The following NRP2 variants were observed in gnomAD, a reference collection of about 807,000 sequenced individuals.
NRP2 encodes neuropilin-2.
In NRP2, 52 loss-of-function variants were observed where a neutral mutation model predicts 110.4. That is an observed-to-expected ratio of 0.47 (90% CI 0.38 to 0.59). The LOEUF (loss-of-function observed/expected upper bound fraction) is 0.59. Among genes scored for constraint, NRP2 ranks in the 20% least tolerant of loss-of-function variants. The pLI is 0.00. For missense variants in NRP2, 1,049 were observed against 1,203.0 expected, an observed-to-expected ratio of 0.87 and a Z score of 1.89; for synonymous variants, 508 against 468.9, an observed-to-expected ratio of 1.08 and a Z score of -1.08.
intron 2 of NRP2, chr2:205,701,598 G>C (rs1217859098): frequency 6.7e-6 from 1 of 149,646 alleles, no homozygotes; most frequent in Non-Finnish European, 1.5e-5. Flanking sequence ...GTCTCAGAAA[G>C]AGCAAAACCC....
chr2:205,746,942 G>A (rs952717269), intron 10 of NRP2, among the ~76,000 whole-genome samples: 3 of 152,124 alleles, frequency 2.0e-5, no homozygotes, highest in Non-Finnish European at 2.9e-5. Flanking sequence ...CAGCCCCAGC[G>A]AACACATCTT....
Position 205,770,121 on chromosome 2 carries a change from C to T in NRP2, c.2425+3318C>T, listed in dbSNP as rs745671352. 2.2e-4 allele frequency among the ~76,000 whole-genome samples: 34 copies of T among 152,196 alleles called. 1 individual carries two copies. Among genetic ancestry groups the T allele is most frequent in the Middle Eastern group, 6.8e-3 (2 of 294 alleles). On this transcript the variant is annotated intron_variant, in intron 15 of 16. Transcript: ENST00000357785. The stretch of plus-strand genomic sequence containing the variant: ...CTCACGGAAATCCCAGCTGGGTGCA[C>T]CTGTGGAAGGTGGTTGTCAGAGGGA...
intron 1 of NRP2, among the ~76,000 whole-genome samples, chr2:205,692,161 T>C (rs541766788): frequency 6.6e-6 from 1 of 152,310 alleles, no homozygotes; most frequent in South Asian, 2.1e-4. Context: ...AACTTTATCA[T>C]TTCAAAAGTT....
At chr2:205,751,929 C>T (rs2105894714) in intron 11 of NRP2, among the ~76,000 whole-genome samples, 1 of 152,320 alleles carries the variant, frequency 6.6e-6, no homozygotes, top group Non-Finnish European at 1.5e-5. Context: ...TCCCCACGTC[C>T]ACACCACCCC....
intron 8 of NRP2, among the ~76,000 whole-genome samples, chr2:205,741,531 T>C (rs186709814): frequency 7.7e-4 from 117 of 152,248 alleles, no homozygotes; most frequent in East Asian, 3.9e-3. Context: ...TGGGACATTA[T>C]AGGAGGCAAT....
At chr2:205,726,771 AC>A (rs2057137254) in intron 6 of NRP2, among the ~76,000 whole-genome samples, 1 of 152,184 alleles carries the variant, frequency 6.6e-6, no homozygotes, top group South Asian at 2.1e-4. Flanking sequence ...CTTTTATGAC[AC>A]ACGTAAGACA....
chr2:205,740,687 T>C (rs753878657), intron 8 of NRP2, 24 bp downstream of exon 8: 2 of 1,613,450 alleles, frequency 1.2e-6, no homozygotes, highest in East Asian at 2.2e-5. Flanking sequence ...TCCAATGAGG[T>C]TGGGGTGCTG....
chr2:205,724,007 G>A, intron 5 of NRP2, 67 bp downstream of exon 5: 1 of 1,573,570 alleles, frequency 6.4e-7, no homozygotes, highest in Non-Finnish European at 8.7e-7. Context: ...TACAGGTGAA[G>A]GGGGGCTGAG....
intron 15 of NRP2, among the ~76,000 whole-genome samples, chr2:205,783,997 C>T (rs988302091): frequency 2.9e-5 from 2 of 68,460 alleles, no homozygotes; most frequent in African/African-American, 8.7e-5. Flanking sequence ...GTGCATCTCT[C>T]TCTGACACAC....
intron 13 of NRP2, 124 bp downstream of exon 13, chr2:205,764,060 C>A: frequency 8.2e-7 from 1 of 1,218,410 alleles, no homozygotes. Context: ...GTTGCCATGG[C>A]AACTGAATGA....
At chr2:205,731,398 C>T (rs2057236205) in intron 7 of NRP2, among the ~76,000 whole-genome samples, 1 of 152,084 alleles carries the variant, frequency 6.6e-6, no homozygotes, top group East Asian at 1.9e-4. Flanking sequence ...ACATACATAC[C>T]AAGAAGGGCG....
chr2:205,709,657 C>T (rs1378866029), intron 2 of NRP2, among the ~76,000 whole-genome samples: 11 of 152,216 alleles, frequency 7.2e-5, no homozygotes, highest in Admixed American at 6.5e-4. Context: ...AGTAATTTAA[C>T]GTTTCTTTTG....
intron 3 of NRP2, among the ~76,000 whole-genome samples, chr2:205,717,309 A>G (rs2056920216): frequency 1.3e-5 from 2 of 151,912 alleles, no homozygotes; most frequent in Admixed American, 1.3e-4. Context: ...AAGTTTTACA[A>G]CTCGTGGATG....
At chr2:205,782,056 G>T (rs565732022) in intron 15 of NRP2, among the ~76,000 whole-genome samples, 1 of 137,224 alleles carries the variant, frequency 7.3e-6, no homozygotes, top group African/African-American at 2.5e-5. Context: ...TTGGGAAATC[G>T]CCAAGAGCAA....
rs749351006 is a variant in NRP2, at chr2:205,697,622, C to T, written c.152C>T (p.Ser51Phe). 2 of 1,614,010 alleles carry T rather than the reference C, an allele frequency of 1.2e-6. No individual in the cohort carries two copies. Among genetic ancestry groups the T allele is most frequent in the Non-Finnish European group, 1.7e-6 (2 of 1,179,976 alleles). The change falls in exon 2 of 17, where the codon TCC (serine) becomes TTC (phenylalanine). Residue 51 changes from serine to phenylalanine, a missense_variant. By Grantham distance (155) the Ser-to-Phe change is radical. Transcript: ENST00000357785. ...CCCGGTTACCCCCAGGACTACCCCT[C>T]CCACCAGAACTGCGAGTGGATTGTT... ...TSPGYPQDYP[S>F]HQNCEWIVYA...
At chr2:205,767,080 A>T in intron 15 of NRP2, 2 of 519,622 alleles carry the variant, frequency 3.8e-6, no homozygotes, top group Non-Finnish European at 6.9e-6. Context: ...GCATTGTCCA[A>T]CGGGGAGCAA....
At chr2:205,758,097 C>T (rs887653100) in intron 12 of NRP2, among the ~76,000 whole-genome samples, 4 of 152,148 alleles carry the variant, frequency 2.6e-5, no homozygotes, top group African/African-American at 9.7e-5. Context: ...TATTGTAAAC[C>T]TTGAGAACAT....
At chr2:205,756,935 A>T (rs1381762072) in intron 12 of NRP2, 1 of 152,230 alleles carries the variant, frequency 6.6e-6, no homozygotes, top group African/African-American at 2.4e-5. Context: ...ATACTAAGTA[A>T]GGTCAATAAT....
In NRP2 at chr2:205,795,976, A is replaced by G. The variant is rs2058348668; in HGVS notation, c.*918A>G. 6.6e-6 allele frequency: 1 copy of G among 152,166 alleles called. No homozygotes were observed. The highest frequency in any genetic ancestry group is 2.4e-5 in the African/African-American group (1 of 41,436). The allele number at this position is 152,166 out of a possible 1,614,324, so 9.4% of individuals were successfully genotyped here. A position where few individuals can be genotyped will look rare whatever the true frequency, so the allele number is the denominator to read the frequency against. Reference sequence around the variant, plus strand: ...AACATATACATATATACATACACACATACACATATTCTTCAGGTCTCTAAG... The same window carrying G: ...AACATATACATATATACATACACACGTACACATATTCTTCAGGTCTCTAAG... On this transcript the variant is annotated 3_prime_UTR_variant, in exon 17 of 17. Transcript: ENST00000357785.
Sources: gnomAD v4.1 joint callset for allele counts (sites outside exome capture counted in the v4.1 genomes callset) on GRCh38, gnomAD v4.1.1 for gene constraint, MANE v1.5 for transcripts, NCBI Gene and HGNC (gene_info 2026-07-23, HGNC 2026-07-21) for gene names.